The following DAB1 variants were observed in gnomAD, a reference collection of about 807,000 sequenced individuals.
The protein encoded by DAB1 is DAB adaptor protein 1.
In DAB1, 15 loss-of-function variants were observed where a neutral mutation model predicts 64.6. The ratio of observed to expected loss-of-function variants is 0.23; its 90% CI spans 0.16 to 0.36. The LOEUF (loss-of-function observed/expected upper bound fraction) is 0.36, where lower values mean the gene tolerates loss of function less well. Among genes scored for constraint, DAB1 ranks in the 10% least tolerant of loss-of-function variants. The pLI, the probability that DAB1 is intolerant of heterozygous loss-of-function variation, is 1.00. For synonymous variants in DAB1, 235 were observed against 251.9 expected (o/e 0.93, Z 0.64); for missense variants, 596 against 706.7 (o/e 0.84, Z 1.78).
At chr1:57,711,660 A>G (rs1161898830) in intron 6 of DAB1, among the ~76,000 whole-genome samples, 3 of 152,236 alleles carry the variant, frequency 2.0e-5, no homozygotes, top group African/African-American at 7.2e-5. Context: ...GATAAGCAGG[A>G]AAGAGTAGAT....
At chr1:57,828,926 A>T (rs1490329841) in intron 1 of DAB1, among the ~76,000 whole-genome samples, 1 of 152,230 alleles carries the variant, frequency 6.6e-6, no homozygotes, top group East Asian at 1.9e-4. Context: ...GTAATATTAT[A>T]AAAAGCATTC....
chr1:57,972,277 T>C (rs759959226), intron 5 of DAB1, among the ~76,000 whole-genome samples: 4 of 152,156 alleles, frequency 2.6e-5, no homozygotes, highest in Non-Finnish European at 5.9e-5. Context: ...CACTCTGATG[T>C]CCAGGCTGAA....
At chr1:57,873,144 A>C (rs551966487) in intron 1 of DAB1, among the ~76,000 whole-genome samples, 2 of 152,240 alleles carry the variant, frequency 1.3e-5, no homozygotes, top group South Asian at 4.1e-4. Context: ...TAAGGAGGTG[A>C]ACTTTATCAT....
chr1:57,458,589 T>A (rs184817608), intron 7 of DAB1, among the ~76,000 whole-genome samples: 18 of 152,118 alleles, frequency 1.2e-4, no homozygotes, highest in African/African-American at 4.3e-4. Context: ...TACTCTTGCA[T>A]TCTAGGACTC....
chr1:58,192,531 C>T (rs1275061399), intron 4 of DAB1, among the ~76,000 whole-genome samples: 3 of 152,064 alleles, frequency 2.0e-5, no homozygotes, highest in African/African-American at 7.2e-5. Flanking sequence ...ATTTTCTGTT[C>T]CTGAGTTATT....
At chr1:57,518,777 T>C (rs920632574) in intron 7 of DAB1, among the ~76,000 whole-genome samples, 1 of 152,160 alleles carries the variant, frequency 6.6e-6, no homozygotes, top group Admixed American at 6.6e-5. Context: ...TCACATACCC[T>C]CCTTCTAATC....
chr1:58,075,712 T>C (rs755740665), intron 5 of DAB1, among the ~76,000 whole-genome samples: 1 of 152,312 alleles, frequency 6.6e-6, no homozygotes, highest in South Asian at 2.1e-4. Context: ...GCTTCAAGAA[T>C]GTACTAGAAC....
At chr1:57,802,237 G>C (rs1651162273) in intron 6 of DAB1, among the ~76,000 whole-genome samples, 2 of 152,240 alleles carry the variant, frequency 1.3e-5, no homozygotes, top group Non-Finnish European at 2.9e-5. Flanking sequence ...AGGTGAGGCT[G>C]TTACTTACTT....
chr1:57,630,690 G>A (rs139315225), intron 7 of DAB1, among the ~76,000 whole-genome samples: 1,663 of 152,260 alleles, frequency 0.011, 28 homozygotes, highest in African/African-American at 0.038. Flanking sequence ...GGCACCCCAC[G>A]TGATGAGGAA....
intron 5 of DAB1, among the ~76,000 whole-genome samples, chr1:58,064,671 A>G (rs1181384152): frequency 1.3e-5 from 2 of 152,124 alleles, no homozygotes; most frequent in Non-Finnish European, 2.9e-5. Flanking sequence ...GGTAATGACC[A>G]TAGATAAATT....
chr1:57,927,056 G>A (rs1644889884), intron 5 of DAB1, among the ~76,000 whole-genome samples: 1 of 152,140 alleles, frequency 6.6e-6, no homozygotes, highest in African/African-American at 2.4e-5. Flanking sequence ...TGCAACTATA[G>A]GCAAATAAAT....
chr1:58,127,532 C>T (rs1570389502), intron 5 of DAB1, among the ~76,000 whole-genome samples: 1 of 151,902 alleles, frequency 6.6e-6, no homozygotes, highest in East Asian at 1.9e-4. Context: ...GAAGTCCTTG[C>T]CCATGCCTAT....
At chr1:57,270,932 G>A (rs553615203) in intron 2 of DAB1, among the ~76,000 whole-genome samples, 15 of 152,196 alleles carry the variant, frequency 9.9e-5, no homozygotes, top group Non-Finnish European at 1.9e-4. Flanking sequence ...AATGAGCAGG[G>A]ACTGGGGTGG....
intron 1 of DAB1, among the ~76,000 whole-genome samples, chr1:57,356,743 G>A (rs1362950460): frequency 2.0e-5 from 3 of 151,996 alleles, no homozygotes; most frequent in African/African-American, 7.2e-5. Context: ...AGGTCCTAAA[G>A]CCATGTGTCC....
At chr1:57,256,088 C>T (rs1669737775) in intron 2 of DAB1, among the ~76,000 whole-genome samples, 1 of 152,204 alleles carries the variant, frequency 6.6e-6, no homozygotes, top group African/African-American at 2.4e-5. Flanking sequence ...CTGGATATTA[C>T]AATTGCTTGA....
chr1:57,339,324 T>A (rs544257878), intron 1 of DAB1, among the ~76,000 whole-genome samples: 3 of 152,086 alleles, frequency 2.0e-5, no homozygotes, highest in African/African-American at 7.2e-5. Flanking sequence ...CCCAGCTAAT[T>A]TTTTTGTATT....
intron 7 of DAB1, among the ~76,000 whole-genome samples, chr1:57,623,669 G>T (rs575320624): frequency 7.1e-4 from 108 of 152,288 alleles, no homozygotes; most frequent in African/African-American, 2.5e-3. Flanking sequence ...AAGGCCTGCA[G>T]ACAGGCTTCT....
chr1:57,067,074 A>C (rs914673882), intron 8 of DAB1, among the ~76,000 whole-genome samples: 4 of 152,174 alleles, frequency 2.6e-5, no homozygotes, highest in Non-Finnish European at 5.9e-5. Context: ...CTTCAGGCCC[A>C]AGAGCTTATC....
At chr1:57,722,599 G>A (rs568078582) in intron 6 of DAB1, among the ~76,000 whole-genome samples, 5 of 152,254 alleles carry the variant, frequency 3.3e-5, no homozygotes, top group Admixed American at 1.3e-4. Flanking sequence ...CCTGAGAAGT[G>A]GTCCCAATGA....
Sources: gnomAD v4.1 joint callset for allele counts (sites outside exome capture counted in the v4.1 genomes callset) on GRCh38, gnomAD v4.1.1 for gene constraint, MANE v1.5 for transcripts, NCBI Gene and HGNC (gene_info 2026-07-23, HGNC 2026-07-21) for gene names.